Variants in CMSS1 observed in about 807,000 individuals in gnomAD.
CMSS1 encodes protein CMSS1.
Under a neutral mutation model 43.5 loss-of-function variants are expected in CMSS1, and 33 were observed. That is an observed-to-expected ratio of 0.76 (90% CI 0.57 to 1.01). CMSS1 has a LOEUF of 1.01. Among genes scored for constraint, CMSS1 ranks in the 50% least tolerant of loss-of-function variants. The pLI, the probability that CMSS1 is intolerant of heterozygous loss-of-function variation, is 0.00. For synonymous variants in CMSS1, 115 were observed against 117.2 expected, an observed-to-expected ratio of 0.98 and a Z score of 0.12; for missense variants, 313 against 326.4, an observed-to-expected ratio of 0.96 and a Z score of 0.32.
intron 1 of CMSS1, among the ~76,000 whole-genome samples, chr3:99,967,469 G>T (rs528524022): frequency 5.9e-5 from 9 of 152,226 alleles, no homozygotes; most frequent in African/African-American, 1.7e-4. Flanking sequence ...AAGAAATATG[G>T]TACATAGTGA....
Position 100,034,047 on chromosome 3 carries a change from C to T in CMSS1, c.65-112926C>T, listed in dbSNP as rs1008305220. On this transcript the variant is annotated intron_variant, in intron 1 of 9. Coordinates refer to ENST00000421999, the MANE Select transcript of CMSS1 (RefSeq NM_032359.4). ...TGGTGCTATTATTCAACCCGCCATG[C>T]GTTATTTTGCTTACATTAGTGACCC... 5.9e-5 allele frequency among the ~76,000 whole-genome samples: 9 copies of T among 152,216 alleles called. 1 individual carries two copies. The highest frequency in any genetic ancestry group is 2.1e-4 in the South Asian group (1 of 4,820).
chr3:100,063,418 A>C (rs1047603370), intron 1 of CMSS1, among the ~76,000 whole-genome samples: 1 of 152,188 alleles, frequency 6.6e-6, no homozygotes, highest in Non-Finnish European at 1.5e-5. Flanking sequence ...AATTATTATT[A>C]TAGTATTATT....
chr3:100,171,803 G>C, intron 6 of CMSS1, 36 bp from the exon 7 acceptor site: 1 of 1,580,486 alleles, frequency 6.3e-7, no homozygotes, highest in Non-Finnish European at 8.7e-7. Context: ...AGAATGAGTT[G>C]GTTTTCTTAA....
chr3:99,972,771 G>A (rs988117370), intron 1 of CMSS1, among the ~76,000 whole-genome samples: 4 of 152,106 alleles, frequency 2.6e-5, no homozygotes, highest in African/African-American at 9.7e-5. Flanking sequence ...AGATTAACTG[G>A]GTGTTAATGA....
chr3:99,938,951 A>G (rs1434582603), intron 1 of CMSS1, among the ~76,000 whole-genome samples: 2 of 152,196 alleles, frequency 1.3e-5, no homozygotes, highest in Admixed American at 1.3e-4. Flanking sequence ...AAGATAACCT[A>G]ATTTAGTAAT....
intron 1 of CMSS1, among the ~76,000 whole-genome samples, chr3:100,079,632 C>A (rs895542883): frequency 3.3e-5 from 5 of 152,230 alleles, no homozygotes; most frequent in Admixed American, 6.5e-5. Context: ...AATCCTCTTT[C>A]AAATCCTTCT....
At chr3:100,074,949 C>T (rs1394740519) in intron 1 of CMSS1, among the ~76,000 whole-genome samples, 1 of 152,072 alleles carries the variant, frequency 6.6e-6, no homozygotes, top group East Asian at 1.9e-4. Flanking sequence ...CAGCCTTATC[C>T]TCCCAAAGTG....
At chr3:99,940,642 C>G (rs1171108038) in intron 1 of CMSS1, among the ~76,000 whole-genome samples, 1 of 152,214 alleles carries the variant, frequency 6.6e-6, no homozygotes, top group African/African-American at 2.4e-5. Context: ...TCCTCCAGCT[C>G]TAGGAAGATG....
At chr3:100,150,787 C>T (rs2066900558) in intron 2 of CMSS1, among the ~76,000 whole-genome samples, 2 of 152,206 alleles carry the variant, frequency 1.3e-5, no homozygotes, top group South Asian at 4.1e-4. Flanking sequence ...GAGATTGCAT[C>T]ACCCTCTTCC....
intron 1 of CMSS1, among the ~76,000 whole-genome samples, chr3:100,035,497 T>G (rs1219899180): frequency 2.0e-5 from 3 of 152,164 alleles, no homozygotes; most frequent in Non-Finnish European, 4.4e-5. Flanking sequence ...GGTCTCGAAC[T>G]CCTGATCCAC....
At chr3:99,826,666 C>T (rs1171466978) in intron 1 of CMSS1, among the ~76,000 whole-genome samples, 2 of 152,106 alleles carry the variant, frequency 1.3e-5, no homozygotes, top group Non-Finnish European at 2.9e-5. Context: ...GAAACAAATC[C>T]AGAGAGAATT....
chr3:100,117,192 T>A (rs1296199558), intron 1 of CMSS1, among the ~76,000 whole-genome samples: 4 of 152,182 alleles, frequency 2.6e-5, no homozygotes, highest in Non-Finnish European at 5.9e-5. Flanking sequence ...TTATTATAGT[T>A]GCTATTTATT....
chr3:100,163,406 A>G (rs2067041730), intron 4 of CMSS1, among the ~76,000 whole-genome samples: 1 of 152,206 alleles, frequency 6.6e-6, no homozygotes, highest in African/African-American at 2.4e-5. Context: ...AAAATTCTGT[A>G]TGTTTTGCGA....
chr3:100,121,487 T>C (rs1448471687), intron 1 of CMSS1, among the ~76,000 whole-genome samples: 2 of 152,168 alleles, frequency 1.3e-5, no homozygotes, highest in African/African-American at 4.8e-5. Flanking sequence ...ATCCAGTCTA[T>C]CATTGATGGA....
intron 1 of CMSS1, among the ~76,000 whole-genome samples, chr3:100,064,947 A>G (rs1037891932): frequency 1.3e-5 from 2 of 152,212 alleles, no homozygotes; most frequent in East Asian, 3.8e-4. Context: ...TGCAATGTAT[A>G]TCTACTAACA....
At chr3:100,159,720 T>A in intron 2 of CMSS1, 1 of 255,798 alleles carries the variant, frequency 3.9e-6, no homozygotes, top group Admixed American at 4.4e-5. Context: ...TTAGTCCAAA[T>A]TTCCTGTTTT....
chr3:99,998,849 G>A (rs1244732588), intron 1 of CMSS1, among the ~76,000 whole-genome samples: 3 of 152,188 alleles, frequency 2.0e-5, no homozygotes, highest in African/African-American at 4.8e-5. Context: ...GATTACAGGC[G>A]TGAGCCACCG....
At chr3:99,969,827 A>C (rs1452026495) in intron 1 of CMSS1, among the ~76,000 whole-genome samples, 3 of 152,162 alleles carry the variant, frequency 2.0e-5, no homozygotes, top group Admixed American at 6.5e-5. Flanking sequence ...TACTGAAGTC[A>C]CTCATTGTCA....
At chr3:99,972,172 T>G (rs1001921724) in intron 1 of CMSS1, among the ~76,000 whole-genome samples, 2 of 152,158 alleles carry the variant, frequency 1.3e-5, no homozygotes, top group African/African-American at 4.8e-5. Flanking sequence ...AAAGATGTCA[T>G]TCAAACCAGT....
Sources: gnomAD v4.1 joint callset for allele counts (sites outside exome capture counted in the v4.1 genomes callset) on GRCh38, gnomAD v4.1.1 for gene constraint, MANE v1.5 for transcripts, NCBI Gene and HGNC (gene_info 2026-07-23, HGNC 2026-07-21) for gene names.